Variants in DARS1 observed in about 807,000 individuals in gnomAD.
DARS1 encodes the protein aspartyl-tRNA synthetase 1.
A neutral mutation model predicts 68.8 loss-of-function variants in DARS1; 51 were observed. That is an observed-to-expected ratio of 0.74 (90% confidence interval 0.59 to 0.94). DARS1 has a LOEUF of 0.94. Ranked by LOEUF, DARS1 falls within the 40% of genes least tolerant of loss-of-function variation. DARS1 has a pLI of 0.00. For synonymous variants in DARS1, 203 were observed against 190.4 expected (o/e 1.07, Z -0.55); for missense variants, 607 against 597.3 (o/e 1.02, Z -0.17).
rs75123258 is a variant in DARS1, at chr2:135,955,673, C to CTTTTTTT, written c.320+5716_320+5722dup. Among the ~76,000 whole-genome samples the CTTTTTTT allele has an allele frequency of 5.2e-4, 32 of 61,332 alleles. 5 individuals are homozygous for CTTTTTTT. The highest frequency in any genetic ancestry group is 1.9e-3 in the African/African-American group (26 of 13,734). 40.2% of individuals were successfully genotyped at this position (61,332 alleles called of 152,430 possible). A position where few individuals can be genotyped will look rare whatever the true frequency, so the allele number is the denominator to read the frequency against. ...ACCACCACCTTTTGAAAATAAAAAT[C>CTTTTTTT]TTTTTTTTTTTTTTTTTTTTTTTTT... On this transcript the variant is annotated intron_variant, in intron 4 of 15. Transcript: ENST00000264161.
chr2:135,936,930 C>T (rs1346137891), intron 5 of DARS1, among the ~76,000 whole-genome samples: 3 of 152,140 alleles, frequency 2.0e-5, no homozygotes, highest in African/African-American at 4.8e-5. Flanking sequence ...CATGTGCACA[C>T]GGATCAGGGC....
intron 3 of DARS1, among the ~76,000 whole-genome samples, chr2:135,969,461 T>C (rs1303060380): frequency 1.3e-5 from 2 of 152,160 alleles, no homozygotes; most frequent in Non-Finnish European, 2.9e-5. Flanking sequence ...ATTATTTCTG[T>C]ATTCTTTTAA....
chr2:135,960,722 CCA>C (rs1490531734), intron 4 of DARS1, among the ~76,000 whole-genome samples: 1 of 152,130 alleles, frequency 6.6e-6, no homozygotes, highest in Admixed American at 6.6e-5. Context: ...AGCCACATCA[CCA>C]CTACCAAGTA....
At chr2:135,919,900 A>G (rs1681080764) in intron 10 of DARS1, among the ~76,000 whole-genome samples, 1 of 152,228 alleles carries the variant, frequency 6.6e-6, no homozygotes, top group Non-Finnish European at 1.5e-5. Flanking sequence ...CTTAATTTAC[A>G]TGTCGACAGA....
chr2:135,937,813 T>C (rs1290736896), intron 5 of DARS1, among the ~76,000 whole-genome samples: 2 of 152,234 alleles, frequency 1.3e-5, no homozygotes, highest in Non-Finnish European at 1.5e-5. Flanking sequence ...ATGATGAATA[T>C]TGGCCCCCAC....
chr2:135,985,328 TC>T, intron 1 of DARS1, 74 bp downstream of exon 1: 2 of 1,548,580 alleles, frequency 1.3e-6, no homozygotes, highest in Non-Finnish European at 1.7e-6. Flanking sequence ...AGGGCCCCAC[TC>T]CCCCTCCTCC....
At chr2:135,975,359 C>T (rs903318388) in intron 3 of DARS1, among the ~76,000 whole-genome samples, 2 of 150,396 alleles carry the variant, frequency 1.3e-5, no homozygotes, top group Non-Finnish European at 3.0e-5. Flanking sequence ...AACAAACAAA[C>T]AAAAAAAACC....
chr2:135,917,345 C>T (rs1681026763), intron 10 of DARS1, among the ~76,000 whole-genome samples: 1 of 151,904 alleles, frequency 6.6e-6, no homozygotes, highest in Non-Finnish European at 1.5e-5. Context: ...TATTGCACAT[C>T]CTTTTGTATG....
chr2:135,962,106 A>T (rs770978462), intron 3 of DARS1, among the ~76,000 whole-genome samples: 1 of 150,546 alleles, frequency 6.6e-6, no homozygotes, highest in Non-Finnish European at 1.5e-5. Context: ...TGAGTCTCGC[A>T]TTTTTTTTTA....
At chr2:135,942,868 A>G (rs989785114) in intron 5 of DARS1, among the ~76,000 whole-genome samples, 3 of 152,152 alleles carry the variant, frequency 2.0e-5, no homozygotes, top group African/African-American at 7.2e-5. Flanking sequence ...TTCCCCTGCA[A>G]TCATGTTGCT....
Position 135,954,135 on chromosome 2 carries a change from A to T in DARS1, c.320+7261T>A, listed in dbSNP as rs182260175. Among the ~76,000 whole-genome samples the T allele has an allele frequency of 4.4e-3, 674 of 151,820 alleles. 3 individuals are homozygous for T. The highest frequency in any genetic ancestry group is 0.014 in the Middle Eastern group (4 of 294). ...CTTGGGAGCAGTGTCTAGCTAACAA[A>T]CTGTATTCTAAATGGAGCTATAATG... On this transcript the variant is annotated intron_variant, in intron 4 of 15. Coordinates refer to ENST00000264161, the MANE Select transcript of DARS1 (RefSeq NM_001349.4).
At chr2:135,938,319 G>A (rs1383744285) in intron 5 of DARS1, among the ~76,000 whole-genome samples, 2 of 152,102 alleles carry the variant, frequency 1.3e-5, no homozygotes, top group African/African-American at 4.8e-5. Flanking sequence ...TAGTTCCTGT[G>A]CCATGGTTTT....
rs751541575 is a variant in DARS1, at chr2:135,911,416, T to C, written c.1308A>G (p.Gln436=). ...LSGAQRIHDP[Q]LLTERALHHG... is the part of the protein sequence containing the mutation. ...GATGTAAAGCTCTCTCTGTTAGCAGTTGAGGATCATGTATTCTTTGAGCTC... is the reference window on the plus strand; with the variant it reads ...GATGTAAAGCTCTCTCTGTTAGCAGCTGAGGATCATGTATTCTTTGAGCTC... Residue 436 remains glutamine (Q), a synonymous_variant, in exon 14 of 16, where the codon CAA becomes CAG. Transcript: ENST00000264161. 48 of 1,034,292 alleles carry C rather than the reference T, an allele frequency of 4.6e-5. No homozygotes were observed. Among genetic ancestry groups the C allele is most frequent in the Non-Finnish European group, 6.0e-5 (39 of 649,702 alleles). 64.1% of individuals were successfully genotyped at this position (1,034,292 alleles called of 1,614,324 possible).
At chr2:135,931,109 G>A (rs1681334237) in intron 7 of DARS1, among the ~76,000 whole-genome samples, 1 of 152,168 alleles carries the variant, frequency 6.6e-6, no homozygotes, top group Non-Finnish European at 1.5e-5. Context: ...ACCTGACGGA[G>A]GATATATCTT....
In DARS1 at chr2:135,922,765, A is replaced by G. The variant is rs915844324; in HGVS notation, c.811+19T>C. On this transcript the variant is annotated intron_variant, in intron 9 of 15. Coordinates refer to ENST00000264161, the MANE Select transcript of DARS1 (RefSeq NM_001349.4). Reference sequence around the variant, plus strand: ...TATAATTAATTAACTTGGATAAAACATAACTGCCAAAATCTTACCTGGTCC... The same window carrying G: ...TATAATTAATTAACTTGGATAAAACGTAACTGCCAAAATCTTACCTGGTCC... 4 of 1,525,892 alleles carry G rather than the reference A, an allele frequency of 2.6e-6. No individual in the cohort carries two copies. Among genetic ancestry groups the G allele is most frequent in the South Asian group, 2.7e-5 (2 of 74,682 alleles). 94.5% of individuals were successfully genotyped at this position (1,525,892 alleles called of 1,614,324 possible).
At chr2:135,985,233 G>A in intron 1 of DARS1, 170 bp downstream of exon 1, 3 of 1,110,970 alleles carry the variant, frequency 2.7e-6, no homozygotes, top group East Asian at 2.6e-5. Context: ...TCCGGAGAGG[G>A]TCTGGCCCCA....
At chr2:135,981,951 T>C (rs1403768516) in intron 2 of DARS1, among the ~76,000 whole-genome samples, 1 of 152,196 alleles carries the variant, frequency 6.6e-6, no homozygotes, top group Non-Finnish European at 1.5e-5. Context: ...ATTGTATTCT[T>C]TCCCAACAAG....
At chr2:135,910,341 A>G (rs1277865890) in intron 15 of DARS1, among the ~76,000 whole-genome samples, 3 of 152,098 alleles carry the variant, frequency 2.0e-5, no homozygotes, top group Non-Finnish European at 4.4e-5. Flanking sequence ...ATTATCCATT[A>G]CCTTTTTACT....
intron 4 of DARS1, among the ~76,000 whole-genome samples, chr2:135,946,115 A>G (rs1681714352): frequency 1.3e-5 from 2 of 152,240 alleles, no homozygotes; most frequent in East Asian, 1.9e-4. Context: ...TTATGTGTGT[A>G]TATATAAAAT....
Sources: allele counts gnomAD v4.1 joint callset (sites outside exome capture counted in the v4.1 genomes callset), GRCh38; gene constraint gnomAD v4.1.1; transcripts MANE v1.5; gene names NCBI Gene and HGNC (gene_info 2026-07-23, HGNC 2026-07-21).